The following CALN1 variants were observed in gnomAD, a reference collection of about 807,000 sequenced individuals.
CALN1 encodes the protein calneuron 1.
Under a neutral mutation model 30.6 loss-of-function variants are expected in CALN1, and 17 were observed. That is an observed-to-expected ratio of 0.56 (90% CI 0.38 to 0.83). The LOEUF is 0.83. Ranked by LOEUF, CALN1 falls within the 40% of genes least tolerant of loss-of-function variation. The pLI, the probability that CALN1 is intolerant of heterozygous loss-of-function variation, is 0.00. For synonymous variants in CALN1, 156 were observed against 131.4 expected (o/e 1.19, Z -1.28); for missense variants, 291 against 354.9 (o/e 0.82, Z 1.45).
At chr7:72,477,687 G>A in the CALN1 span, among the ~76,000 whole-genome samples, 7 of 152,108 alleles carry the variant, frequency 4.6e-5, no homozygotes, top group African/African-American at 1.7e-4. Context: ...TTCCCAAAGT[G>A]CTAAGTCTAC....
the CALN1 span, among the ~76,000 whole-genome samples, chr7:72,461,200 T>C: frequency 2.6e-5 from 4 of 152,270 alleles, no homozygotes; most frequent in Admixed American, 2.0e-4. Flanking sequence ...GGAACAATTA[T>C]ACACTGTTGG....
intron 5 of CALN1, among the ~76,000 whole-genome samples, chr7:71,850,684 G>A (rs191704676): frequency 9.9e-4 from 151 of 152,264 alleles, no homozygotes; most frequent in African/African-American, 3.2e-3. Context: ...TTAGCTCTGC[G>A]GAGTTCAATA....
chr7:72,370,780 C>T (rs1332845130), intron 2 of CALN1, among the ~76,000 whole-genome samples: 2 of 151,874 alleles, frequency 1.3e-5, no homozygotes, highest in African/African-American at 2.4e-5. Flanking sequence ...TGGGCATGGG[C>T]TCATGCCTAT....
intron 5 of CALN1, among the ~76,000 whole-genome samples, chr7:71,832,596 C>T (rs1789354521): frequency 6.6e-6 from 1 of 151,950 alleles, no homozygotes; most frequent in East Asian, 1.9e-4. Context: ...AACACAGCTC[C>T]TAAGTGTTTC....
intron 1 of CALN1, among the ~76,000 whole-genome samples, chr7:72,410,207 T>TA (rs58207581): frequency 6.6e-6 from 1 of 152,174 alleles, no homozygotes; most frequent in Admixed American, 6.5e-5. Flanking sequence ...CTGGAGCTCT[T>TA]AAATATGTAA....
chr7:72,012,002 G>T (rs1347613095), intron 5 of CALN1, among the ~76,000 whole-genome samples: 1 of 151,976 alleles, frequency 6.6e-6, no homozygotes, highest in South Asian at 2.1e-4. Flanking sequence ...ATACCCTATG[G>T]GTTAAACACT....
intron 2 of CALN1, among the ~76,000 whole-genome samples, chr7:72,309,646 A>C (rs1799904061): frequency 6.6e-6 from 1 of 152,110 alleles, no homozygotes; most frequent in Admixed American, 6.5e-5. Context: ...AGGGAAGGGC[A>C]GGGAGAGGCA....
At chr7:72,164,364 AAAAAG>A (rs796228401) in intron 3 of CALN1, among the ~76,000 whole-genome samples, 27,051 of 140,748 alleles carry the variant, frequency 0.19, 2,943 homozygotes, top group Non-Finnish European at 0.28. Context: ...AAAAAAAAAA[AAAAAG>A]AAGAAGAAGA....
intron 4 of CALN1, among the ~76,000 whole-genome samples, chr7:72,076,007 A>G (rs1464791980): frequency 6.6e-6 from 1 of 152,176 alleles, no homozygotes; most frequent in Non-Finnish European, 1.5e-5. Context: ...AGGACAGATG[A>G]GGCCAATTCA....
At chr7:72,107,613 T>C (rs1360384419) in intron 3 of CALN1, among the ~76,000 whole-genome samples, 4 of 151,890 alleles carry the variant, frequency 2.6e-5, no homozygotes, top group Non-Finnish European at 5.9e-5. Context: ...GAATTGGAGG[T>C]CACAGTGTGA....
chr7:72,371,824 TG>T (rs1287930101), intron 2 of CALN1, among the ~76,000 whole-genome samples: 1 of 152,246 alleles, frequency 6.6e-6, no homozygotes, highest in African/African-American at 2.4e-5. Context: ...CTTCCATTTC[TG>T]GGTAAGATAA....
At chr7:72,248,395 G>A (rs1045604497) in intron 3 of CALN1, among the ~76,000 whole-genome samples, 14 of 152,046 alleles carry the variant, frequency 9.2e-5, no homozygotes, top group Admixed American at 5.2e-4. Context: ...CACCACGCCC[G>A]GCCTCTTTGC....
At chr7:71,790,373 AAAGAAAGAAAG>A (rs1793288614) in intron 6 of CALN1, among the ~76,000 whole-genome samples, 2 of 25,818 alleles carry the variant, frequency 7.7e-5, no homozygotes, top group African/African-American at 1.2e-4. Flanking sequence ...GAAAGAAAAG[AAAGAAAGAAAG>A]AAAGAAAGAA....
intron 5 of CALN1, among the ~76,000 whole-genome samples, chr7:71,825,788 T>C (rs1788872943): frequency 6.6e-6 from 1 of 151,808 alleles, no homozygotes; most frequent in Non-Finnish European, 1.5e-5. Context: ...ATCCCATCAC[T>C]CTGAGAGGCC....
chr7:72,063,370 A>G (rs932927917), intron 4 of CALN1, among the ~76,000 whole-genome samples: 1 of 152,252 alleles, frequency 6.6e-6, no homozygotes, highest in Non-Finnish European at 1.5e-5. Flanking sequence ...ATGCAATGCC[A>G]TAAGTCTCTT....
intron 2 of CALN1, among the ~76,000 whole-genome samples, chr7:72,305,569 C>A (rs1379277415): frequency 1.3e-5 from 2 of 152,104 alleles, no homozygotes; most frequent in African/African-American, 4.8e-5. Context: ...TTGAGAGAAT[C>A]CTGCTGGCTG....
intron 3 of CALN1, among the ~76,000 whole-genome samples, chr7:72,218,332 T>C (rs948820842): frequency 3.3e-5 from 5 of 151,888 alleles, no homozygotes; most frequent in African/African-American, 7.2e-5. Context: ...CCTGTAGTCC[T>C]AGCTACTCAG....
At chr7:72,007,213 G>T (rs1006878820) in intron 5 of CALN1, among the ~76,000 whole-genome samples, 1 of 152,166 alleles carries the variant, frequency 6.6e-6, no homozygotes, top group Non-Finnish European at 1.5e-5. Flanking sequence ...ACTAACATCT[G>T]GCCGGGGAAC....
rs749338843 is a variant in CALN1 at position 71,949,585 on chromosome 7, G to C, written c.501+74072C>G. Among the ~76,000 whole-genome samples the C allele has an allele frequency of 1.1e-4, 16 of 151,548 alleles. No individual in the cohort carries two copies. In the South Asian group the frequency reaches 3.4e-3, roughly 32 times the overall value. The stretch of plus-strand genomic sequence containing the variant: ...AGTAGAGATGGGGTTTCACCATGTT[G>C]GCCAGGGTGATCTCGAACTCCTGAC... On this transcript the variant is annotated intron_variant, in intron 5 of 6. Transcript: ENST00000395275.
Sources: allele counts gnomAD v4.1 joint callset (sites outside exome capture counted in the v4.1 genomes callset), GRCh38; gene constraint gnomAD v4.1.1; transcripts MANE v1.5; gene names NCBI Gene and HGNC (gene_info 2026-07-23, HGNC 2026-07-21).